The following DMD variants were observed in gnomAD, a reference collection of about 807,000 sequenced individuals.
The protein encoded by DMD is mutant dystrophin.
Under a neutral mutation model 330.1 loss-of-function variants are expected in DMD, and 63 were observed. The ratio of observed to expected loss-of-function variants is 0.19; its 90% CI spans 0.16 to 0.24. The LOEUF (loss-of-function observed/expected upper bound fraction) is 0.24, where lower values mean the gene tolerates loss of function less well. DMD is among the 10% of genes least tolerant of loss of function. DMD has a pLI of 1.00. For synonymous variants in DMD, 1,223 were observed against 959.8 expected (o/e 1.27, Z -5.07); for missense variants, 3,344 against 2,684.1 (o/e 1.25, Z -5.43).
At position 31,668,826 on chromosome X, in the gene DMD, T is replaced by A. The variant is rs974988917; in HGVS notation, c.7872+10549A>T. ...ACTCTCTACTTCAATGAGTTTGACT[T>A]TTTTAGATTCCACACATAAGTGAGA... On this transcript the variant is annotated intron_variant, in intron 53 of 78. Transcript: ENST00000357033. Among the ~76,000 whole-genome samples the A allele has an allele frequency of 6.3e-5, 7 of 111,942 alleles. No homozygotes were observed. In the East Asian group the frequency reaches 1.7e-3, roughly 27 times the overall value.
intron 48 of DMD, among the ~76,000 whole-genome samples, chrX:31,837,618 G>A (rs909414282): frequency 9.0e-6 from 1 of 111,619 alleles, no homozygotes; most frequent in African/African-American, 3.3e-5. Context: ...TCAGGCATCA[G>A]TCAGGGCCTG....
At chrX:31,907,558 TTAA>T (rs1017119167) in intron 47 of DMD, among the ~76,000 whole-genome samples, 91 of 111,683 alleles carry the variant, frequency 8.1e-4, no homozygotes, top group Non-Finnish European at 2.3e-4. Flanking sequence ...TATACAAAAA[TTAA>T]TTAATTCAAG....
intron 23 of DMD, among the ~76,000 whole-genome samples, chrX:32,467,630 ACG>A (rs1285597781): frequency 1.4e-5 from 1 of 70,544 alleles, no homozygotes; most frequent in East Asian, 4.9e-4. Context: ...TCCATTATAC[ACG>A]TATATATATA....
At chrX:32,891,218 G>A (rs182419454) in intron 2 of DMD, among the ~76,000 whole-genome samples, 231 of 111,548 alleles carry the variant, frequency 2.1e-3, no homozygotes, top group Non-Finnish European at 3.7e-3. Context: ...TGAGTTTTGC[G>A]AACATTTATT....
intron 70 of DMD, chrX:31,178,460 T>G: frequency 2.1e-6 from 2 of 932,781 alleles, no homozygotes; most frequent in Non-Finnish European, 2.7e-6. Flanking sequence ...CCCTGTGAGA[T>G]AAAGTTTAAC....
intron 7 of DMD, among the ~76,000 whole-genome samples, chrX:32,806,891 C>CTTTGTTCT (rs2076981399): frequency 9.1e-6 from 1 of 109,485 alleles, no homozygotes; most frequent in Non-Finnish European, 1.9e-5. Flanking sequence ...TTCTTTGAAA[C>CTTTGTTCT]CAATGAGAAC....
chrX:31,924,785 C>T lies in DMD; in HGVS notation c.6912+4811G>A, dbSNP rs73467913. ...TCCAAAATGCTTTTTTCTTTATGTG[C>T]ACCATTTTATACTGTCTGGGCAGTA... is the stretch of plus-strand genomic sequence containing the variant. On this transcript the variant is annotated intron_variant, in intron 47 of 78. Transcript: ENST00000357033. Among the ~76,000 whole-genome samples the T allele has an allele frequency of 6.7e-3, 745 of 111,760 alleles. 6 individuals are homozygous for T. Among genetic ancestry groups the T allele is most frequent in the African/African-American group, 0.023 (710 of 30,806 alleles).
intron 55 of DMD, among the ~76,000 whole-genome samples, chrX:31,572,274 C>T (rs759236804): frequency 8.0e-5 from 9 of 112,213 alleles, no homozygotes; most frequent in African/African-American, 2.6e-4. Flanking sequence ...AGAATCGTGC[C>T]GCAGTCATGA....
At chrX:32,284,822 C>T (rs1272486805) in intron 43 of DMD, among the ~76,000 whole-genome samples, 2 of 112,066 alleles carry the variant, frequency 1.8e-5, no homozygotes, top group Non-Finnish European at 3.8e-5. Context: ...TTTAACAGCT[C>T]CTGACCAATT....
intron 60 of DMD, among the ~76,000 whole-genome samples, chrX:31,395,997 C>T (rs1347999440): frequency 8.9e-6 from 1 of 112,050 alleles, no homozygotes; most frequent in Non-Finnish European, 1.9e-5. Context: ...GACCTTTGTC[C>T]TTTAGCTATT....
chrX:32,162,013 T>C (rs754918600), intron 44 of DMD, among the ~76,000 whole-genome samples: 20 of 111,080 alleles, frequency 1.8e-4, no homozygotes, highest in Non-Finnish European at 3.8e-4. Context: ...GAAAACAATG[T>C]GGACACAGGG....
At chrX:33,225,023 A>G (rs1280529110) in intron 1 of DMD, among the ~76,000 whole-genome samples, 2 of 111,728 alleles carry the variant, frequency 1.8e-5, no homozygotes, top group Non-Finnish European at 3.8e-5. Context: ...GGTGAAAGCA[A>G]AAAAAAGTTT....
At chrX:32,676,471 T>C (rs2046764943) in intron 9 of DMD, among the ~76,000 whole-genome samples, 1 of 111,517 alleles carries the variant, frequency 9.0e-6, no homozygotes, top group African/African-American at 3.3e-5. Context: ...CCATACCCTA[T>C]TTTTCTCAGA....
intron 1 of DMD, among the ~76,000 whole-genome samples, chrX:33,268,907 CAAAAAAAAAAAAA>C (rs202219233): frequency 4.6e-5 from 2 of 43,317 alleles, no homozygotes; most frequent in Non-Finnish European, 1.1e-4. Flanking sequence ...GCCTGGGTGA[CAAAAAAAAAAAAA>C]AAAAAAAAAT....
At chrX:33,069,713 TA>T (rs1472603481) in intron 1 of DMD, among the ~76,000 whole-genome samples, 1 of 111,748 alleles carries the variant, frequency 8.9e-6, no homozygotes, top group African/African-American at 3.2e-5. Context: ...AATCAGGATT[TA>T]ATAGAATTAG....
intron 72 of DMD, 86 bp downstream of exon 72, chrX:31,173,451 GAA>G (rs2040201757): frequency 9.4e-7 from 1 of 1,069,033 alleles, no homozygotes; most frequent in Admixed American, 2.3e-5. Context: ...GGGAAAAAAA[GAA>G]AAGATTTGTT....
intron 48 of DMD, 86 bp from the exon 49 acceptor site, chrX:31,836,905 C>T: frequency 2.5e-6 from 2 of 795,491 alleles, no homozygotes; most frequent in Admixed American, 2.3e-5. Context: ...GGAGACTCCA[C>T]ATGTATTGCA....
intron 9 of DMD, among the ~76,000 whole-genome samples, chrX:32,653,996 G>A (rs1020878319): frequency 2.7e-5 from 3 of 112,021 alleles, no homozygotes; most frequent in Non-Finnish European, 5.6e-5. Flanking sequence ...TTTGCACATT[G>A]ATTTGTATCC....
At chrX:32,560,471 G>A (rs2050863552) in intron 16 of DMD, among the ~76,000 whole-genome samples, 1 of 110,269 alleles carries the variant, frequency 9.1e-6, no homozygotes, top group Admixed American at 9.8e-5. Context: ...CAGGGTACAC[G>A]TATTGGATGT....
Sources: allele counts gnomAD v4.1 joint callset (sites outside exome capture counted in the v4.1 genomes callset), GRCh38; gene constraint gnomAD v4.1.1; transcripts MANE v1.5; gene names NCBI Gene and HGNC (gene_info 2026-07-23, HGNC 2026-07-21).